The following CDH18 variants were observed in gnomAD, a reference collection of about 807,000 sequenced individuals.
The protein encoded by CDH18 is cadherin-18.
CDH18 carries 31 observed loss-of-function variants against 67.9 expected under a neutral mutation model. That is an observed-to-expected ratio of 0.46 (90% CI 0.34 to 0.62). The LOEUF (loss-of-function observed/expected upper bound fraction) is 0.62, where lower values mean the gene tolerates loss of function less well. Among genes scored for constraint, CDH18 ranks in the 20% least tolerant of loss-of-function variants. CDH18 has a pLI of 0.01. For synonymous variants in CDH18, 362 were observed against 347.2 expected (o/e 1.04, Z -0.48); for missense variants, 890 against 975.5 (o/e 0.91, Z 1.17).
chr5:19,866,144 C>G (rs902478029), intron 2 of CDH18, among the ~76,000 whole-genome samples: 1 of 152,172 alleles, frequency 6.6e-6, no homozygotes, highest in African/African-American at 2.4e-5. Context: ...GAAACCAAGT[C>G]TCTTAAAACA....
intron 2 of CDH18, among the ~76,000 whole-genome samples, chr5:20,051,661 G>C (rs1431208725): frequency 2.0e-5 from 3 of 151,924 alleles, no homozygotes; most frequent in African/African-American, 7.2e-5. Context: ...TCCAAGAATA[G>C]ATTTGCAGAA....
At chr5:20,054,823 G>A (rs1253351667) in intron 2 of CDH18, among the ~76,000 whole-genome samples, 4 of 152,090 alleles carry the variant, frequency 2.6e-5, no homozygotes, top group Non-Finnish European at 5.9e-5. Context: ...ATCATTCTAT[G>A]GACTGACTGC....
At chr5:20,489,114 T>C (rs1318980292) in intron 1 of CDH18, among the ~76,000 whole-genome samples, 2 of 152,080 alleles carry the variant, frequency 1.3e-5, no homozygotes, top group African/African-American at 4.8e-5. Flanking sequence ...GGAAACTTGC[T>C]GAGACCTCTA....
At position 19,960,753 on chromosome 5, in the gene CDH18, A is replaced by G. The variant is rs564628452; in HGVS notation, c.-257+20307T>C. On this transcript the variant is annotated intron_variant, in intron 2 of 12. Coordinates refer to ENST00000382275, the MANE Select transcript of CDH18 (RefSeq NM_004934.5). ...CGTATATACGTATACACGTGTATAT[A>G]TATGTATATATGTATATATACACGT... is the stretch of plus-strand genomic sequence containing the variant. Among the ~76,000 whole-genome samples the G allele has an allele frequency of 2.3e-5, 3 of 132,770 alleles. No homozygotes were observed. The East Asian group carries it at 6.0e-4, about 26-fold the overall frequency. The allele number at this position is 132,770 out of a possible 152,430, so 87.1% of individuals were successfully genotyped here.
intron 1 of CDH18, among the ~76,000 whole-genome samples, chr5:20,418,189 C>A (rs1747492165): frequency 6.7e-6 from 1 of 149,786 alleles, no homozygotes. Context: ...AATTCTCCTG[C>A]CTCAGCCTCC....
intron 1 of CDH18, among the ~76,000 whole-genome samples, chr5:20,400,810 A>T (rs1245240007): frequency 3.3e-5 from 5 of 152,204 alleles, no homozygotes; most frequent in Admixed American, 2.6e-4. Context: ...AAAATAAGTA[A>T]TAAGTAAATA....
chr5:19,865,724 G>T (rs990531508), intron 2 of CDH18, among the ~76,000 whole-genome samples: 1 of 152,144 alleles, frequency 6.6e-6, no homozygotes, highest in Non-Finnish European at 1.5e-5. Context: ...CTCTTGAGCT[G>T]CAAGAGACTG....
rs1480219541 is a variant in CDH18, at chr5:20,255,886, T to G, written c.-579-381A>C. Among the ~76,000 whole-genome samples the G allele has an allele frequency of 1.3e-4, 19 of 143,618 alleles. No homozygotes were observed. The Admixed American group carries it at 1.4e-3, about 10-fold the overall frequency. 94.2% of individuals were successfully genotyped at this position (143,618 alleles called of 152,430 possible). A position where few individuals can be genotyped will look rare whatever the true frequency, so the allele number is the denominator to read the frequency against. On this transcript the variant is annotated intron_variant, in intron 1 of 14. Transcript: ENST00000507958. ...TTTAAATATAAACTATTTTAGTGAT[T>G]TTATATAATATTAAATGTTTATGTT... is the stretch of plus-strand genomic sequence containing the variant.
rs141144307 is a variant in CDH18 at position 20,492,303 on chromosome 5, C to A, written c.-580+83159G>T. Among the ~76,000 whole-genome samples the A allele has an allele frequency of 5.3e-5, 8 of 152,010 alleles. No individual in the cohort carries two copies. In the East Asian group the frequency reaches 1.5e-3, roughly 29 times the overall value. ...TAAATTTCTTTGGTTTTCAGCATCA[C>A]CTGACTTTCTTTAGGAAAAAAAATG... On this transcript the variant is annotated intron_variant, in intron 1 of 14. Coordinates refer to the CDH18 transcript ENST00000507958.
At chr5:20,506,339 CAA>C (rs1264197535) in intron 1 of CDH18, among the ~76,000 whole-genome samples, 1 of 152,224 alleles carries the variant, frequency 6.6e-6, no homozygotes, top group Non-Finnish European at 1.5e-5. Context: ...TTAAGCTACA[CAA>C]AGTCATAGTG....
intron 1 of CDH18, among the ~76,000 whole-genome samples, chr5:20,372,736 A>G (rs1023302279): frequency 1.3e-5 from 2 of 152,186 alleles, no homozygotes; most frequent in African/African-American, 4.8e-5. Context: ...TTTACAATAT[A>G]TGACTGAGAA....
At chr5:20,378,452 T>C (rs942350994) in intron 1 of CDH18, among the ~76,000 whole-genome samples, 1 of 152,138 alleles carries the variant, frequency 6.6e-6, no homozygotes, top group African/African-American at 2.4e-5. Context: ...CCTGCGAGGG[T>C]CCAGCACTGG....
chr5:20,128,200 A>G (rs1224204077), intron 2 of CDH18, among the ~76,000 whole-genome samples: 1 of 152,074 alleles, frequency 6.6e-6, no homozygotes, highest in African/African-American at 2.4e-5. Flanking sequence ...AGTTTGTTTC[A>G]TCTGTAATGA....
chr5:19,985,498 AT>A (rs997949952), intron 1 of CDH18, among the ~76,000 whole-genome samples: 2 of 151,922 alleles, frequency 1.3e-5, no homozygotes, highest in African/African-American at 4.8e-5. Flanking sequence ...GTATAGAGAG[AT>A]TTTTTTATTG....
chr5:20,375,432 TAAAC>T (rs1427378971), intron 1 of CDH18, among the ~76,000 whole-genome samples: 16 of 152,314 alleles, frequency 1.1e-4, no homozygotes, highest in Admixed American at 1.0e-3. Context: ...ATTACTCTCT[TAAAC>T]AAGTATCACG....
At chr5:20,044,306 T>C (rs368579642) in intron 2 of CDH18, among the ~76,000 whole-genome samples, 1 of 152,154 alleles carries the variant, frequency 6.6e-6, no homozygotes, top group Admixed American at 6.5e-5. Flanking sequence ...AGAGGATTGG[T>C]AGAGAATAAA....
chr5:20,496,792 A>G (rs1443773852), intron 1 of CDH18, among the ~76,000 whole-genome samples: 2 of 152,136 alleles, frequency 1.3e-5, no homozygotes, highest in African/African-American at 4.8e-5. Flanking sequence ...TCAAACACCT[A>G]TCTCTAACCT....
At chr5:20,086,857 T>C (rs1744997801) in intron 2 of CDH18, among the ~76,000 whole-genome samples, 1 of 152,186 alleles carries the variant, frequency 6.6e-6, no homozygotes, top group Non-Finnish European at 1.5e-5. Flanking sequence ...ATAGTTTTTA[T>C]GCCTGCTAAC....
chr5:19,879,388 T>G (rs559482835), intron 2 of CDH18, among the ~76,000 whole-genome samples: 1 of 151,896 alleles, frequency 6.6e-6, no homozygotes, highest in South Asian at 2.1e-4. Flanking sequence ...TTTACAACAA[T>G]TCCCATATTT....
Sources: gnomAD v4.1 joint callset for allele counts (sites outside exome capture counted in the v4.1 genomes callset) on GRCh38, gnomAD v4.1.1 for gene constraint, MANE v1.5 for transcripts, NCBI Gene and HGNC (gene_info 2026-07-23, HGNC 2026-07-21) for gene names.